Variants in SLC12A8 observed in about 807,000 individuals in gnomAD.
SLC12A8 encodes solute carrier family 12 member 8.
A neutral mutation model predicts 75.6 loss-of-function variants in SLC12A8; 69 were observed. The observed-to-expected ratio is 0.91, with a 90% CI of 0.75 to 1.11. The LOEUF (loss-of-function observed/expected upper bound fraction) is 1.11, where lower values mean the gene tolerates loss of function less well. Ranked by LOEUF, SLC12A8 falls within the 50% of genes most tolerant of loss-of-function variation. SLC12A8 has a pLI of 0.00. For missense variants in SLC12A8, 877 were observed against 896.7 expected (o/e 0.98, Z 0.28); for synonymous variants, 365 against 372.8 (o/e 0.98, Z 0.24).
chr3:125,104,784 T>C (rs542851901), intron 10 of SLC12A8, among the ~76,000 whole-genome samples: 2 of 152,324 alleles, frequency 1.3e-5, no homozygotes, highest in African/African-American at 4.8e-5. Flanking sequence ...GGAAGCCTCC[T>C]CCAAATGACT....
intron 3 of SLC12A8, among the ~76,000 whole-genome samples, chr3:125,188,395 A>G (rs1298936953): frequency 6.6e-6 from 1 of 152,182 alleles, no homozygotes; most frequent in African/African-American, 2.4e-5. Flanking sequence ...CTTTATAGCA[A>G]TGTAACATGG....
intron 5 of SLC12A8, among the ~76,000 whole-genome samples, chr3:125,142,526 A>G (rs1933674222): frequency 6.6e-6 from 1 of 152,244 alleles, no homozygotes; most frequent in Non-Finnish European, 1.5e-5. Context: ...AGGACCCTGA[A>G]GATCTCTGGG....
intron 2 of SLC12A8, among the ~76,000 whole-genome samples, chr3:125,207,276 T>C (rs1935244288): frequency 6.6e-6 from 1 of 152,184 alleles, no homozygotes; most frequent in Non-Finnish European, 1.5e-5. Flanking sequence ...CCACTAGTGC[T>C]ACACTTCAAG....
At position 125,121,416 on chromosome 3, in the gene SLC12A8, A is replaced by G. The variant is rs146038041; in HGVS notation, c.737-730T>C. 9.5e-4 allele frequency among the ~76,000 whole-genome samples: 145 copies of G among 152,274 alleles called. 1 individual carries two copies. Among genetic ancestry groups the G allele is most frequent in the African/African-American group, 3.3e-3 (139 of 41,560 alleles). ...GATCCAGCCCACAAGTGCCATAACA[A>G]CTCAGTGTGATGGGCTGCCCTGGTC... is the stretch of plus-strand genomic sequence containing the variant. On this transcript the variant is annotated intron_variant, in intron 6 of 13. Coordinates refer to ENST00000469902, the MANE Select transcript of SLC12A8 (RefSeq NM_024628.6).
chr3:125,127,846 TA>T (rs1422764632), intron 6 of SLC12A8, among the ~76,000 whole-genome samples: 1 of 152,160 alleles, frequency 6.6e-6, no homozygotes, highest in Non-Finnish European at 1.5e-5. Context: ...ATTCCATAAA[TA>T]AAATTACAAA....
At chr3:125,211,252 C>T (rs376266306) in intron 2 of SLC12A8, 47 bp downstream of exon 2, 5 of 1,524,500 alleles carry the variant, frequency 3.3e-6, no homozygotes, top group South Asian at 1.1e-5. Context: ...TGGGGATCCC[C>T]GTGCTCACAG....
chr3:125,190,281 A>T, intron 3 of SLC12A8, 94 bp downstream of exon 3: 1 of 1,356,048 alleles, frequency 7.4e-7, no homozygotes, highest in Non-Finnish European at 1.0e-6. Flanking sequence ...TCTGTGCTTC[A>T]GGAATCTGTG....
intron 5 of SLC12A8, 149 bp downstream of exon 5, chr3:125,177,594 C>T: frequency 1.6e-6 from 1 of 637,864 alleles, no homozygotes; most frequent in Non-Finnish European, 2.7e-6. Flanking sequence ...CAAGACACAC[C>T]TGCTCACCTG....
At chr3:125,204,133 G>A (rs570588256) in intron 2 of SLC12A8, among the ~76,000 whole-genome samples, 1 of 152,194 alleles carries the variant, frequency 6.6e-6, no homozygotes, top group South Asian at 2.1e-4. Context: ...TGCACTGTTG[G>A]TGAAAATGTG....
At chr3:125,173,936 C>T (rs1283941161) in intron 5 of SLC12A8, among the ~76,000 whole-genome samples, 1 of 152,112 alleles carries the variant, frequency 6.6e-6, no homozygotes, top group East Asian at 1.9e-4. Flanking sequence ...GATAAAAATA[C>T]AAAAAATTAG....
intron 10 of SLC12A8, among the ~76,000 whole-genome samples, chr3:125,098,604 C>T (rs1938780965): frequency 7.1e-6 from 1 of 141,062 alleles, no homozygotes; most frequent in Non-Finnish European, 1.5e-5. Flanking sequence ...ACGTATAAAA[C>T]TAGACAAAAT....
intron 10 of SLC12A8, among the ~76,000 whole-genome samples, chr3:125,098,593 C>G (rs1371475444): frequency 6.7e-6 from 1 of 150,206 alleles, no homozygotes; most frequent in Non-Finnish European, 1.5e-5. Context: ...CACACACACA[C>G]ACGTATAAAA....
intron 5 of SLC12A8, among the ~76,000 whole-genome samples, chr3:125,160,245 G>A (rs1203924176): frequency 1.3e-5 from 2 of 152,196 alleles, no homozygotes; most frequent in Non-Finnish European, 2.9e-5. Flanking sequence ...CACCCAGTGC[G>A]ACTTGGTTCT....
chr3:125,119,052 AG>A (rs1932981771), intron 7 of SLC12A8, 196 bp from the exon 8 acceptor site: 1 of 488,306 alleles, frequency 2.0e-6, no homozygotes, highest in African/African-American at 2.0e-5. Flanking sequence ...TTACCAAAAA[AG>A]GGGTACCATT....
intron 2 of SLC12A8, among the ~76,000 whole-genome samples, chr3:125,196,599 A>G (rs997613908): frequency 1.3e-5 from 2 of 152,190 alleles, no homozygotes; most frequent in African/African-American, 2.4e-5. Flanking sequence ...ATCACTGTAC[A>G]TATTTATATT....
rs1434727249 is a variant in SLC12A8 at position 125,084,004 on chromosome 3, A to C, written c.2031T>G (p.Ala677=). The change falls in exon 14 of 14, where the codon GCT becomes GCG. Residue 677 remains alanine (A), a synonymous_variant. Transcript: ENST00000469902. ...QEQIILAPSL[A]KVDMEMTQLT... is the part of the protein sequence containing the mutation. Reference sequence around the variant, plus strand: ...GCTGAGTCATCTCCATGTCAACCTTAGCCAGGGACGGCGCCAAGATGATCT... The same window carrying C: ...GCTGAGTCATCTCCATGTCAACCTTCGCCAGGGACGGCGCCAAGATGATCT... 1.2e-5 allele frequency: 19 copies of C among 1,613,378 alleles called. No homozygotes were observed. Among genetic ancestry groups the C allele is most frequent in the Non-Finnish European group, 1.5e-5 (18 of 1,179,822 alleles).
chr3:125,094,181 T>C (rs1276561270), intron 10 of SLC12A8, among the ~76,000 whole-genome samples: 1 of 152,198 alleles, frequency 6.6e-6, no homozygotes, highest in East Asian at 1.9e-4. Context: ...AAAGCAACGT[T>C]AAGCTCATTT....
chr3:125,149,966 T>C (rs530734160), intron 5 of SLC12A8, among the ~76,000 whole-genome samples: 89 of 152,322 alleles, frequency 5.8e-4, no homozygotes, highest in Non-Finnish European at 8.4e-4. Context: ...CCCTGAAAAG[T>C]ACCTCTGTTC....
At chr3:125,179,429 G>T (rs1421227351) in intron 4 of SLC12A8, among the ~76,000 whole-genome samples, 5 of 152,110 alleles carry the variant, frequency 3.3e-5, no homozygotes, top group African/African-American at 7.2e-5. Flanking sequence ...TCATATAAAA[G>T]GTGCTCTGGG....
Sources: allele counts gnomAD v4.1 joint callset (sites outside exome capture counted in the v4.1 genomes callset), GRCh38; gene constraint gnomAD v4.1.1; transcripts MANE v1.5; gene names NCBI Gene and HGNC (gene_info 2026-07-23, HGNC 2026-07-21).